IRF8: variants seen among roughly 807,000 people sequenced by gnomAD.
IRF8 encodes interferon regulatory factor 8, also known as interferon consensus sequence binding protein 1.
A neutral mutation model predicts 48.7 loss-of-function variants in IRF8; 14 were observed. The ratio of observed to expected loss-of-function variants is 0.29; its 90% confidence interval spans 0.19 to 0.45. The LOEUF is 0.45. Among genes scored for constraint, IRF8 ranks in the 20% least tolerant of loss-of-function variants. The pLI, the probability that IRF8 is intolerant of heterozygous loss-of-function variation, is 1.00. For synonymous variants in IRF8, 278 were observed against 227.3 expected, an observed-to-expected ratio of 1.22 and a Z score of -2.01; for missense variants, 493 against 580.7, an observed-to-expected ratio of 0.85 and a Z score of 1.55.
chr16:85,907,415 C>T (rs1905036220), intron 2 of IRF8, among the ~76,000 whole-genome samples: 1 of 152,234 alleles, frequency 6.6e-6, no homozygotes, highest in Admixed American at 6.5e-5. Context: ...CGCGGTGGCT[C>T]ACGCCTGTAA....
chr16:85,900,005 A>T (rs1904778949), intron 1 of IRF8, among the ~76,000 whole-genome samples: 1 of 152,208 alleles, frequency 6.6e-6, no homozygotes, highest in Admixed American at 6.5e-5. Flanking sequence ...AACCAAAGGT[A>T]AGAACTGGTA....
intron 8 of IRF8, 68 bp downstream of exon 8, chr16:85,920,292 G>A: frequency 9.2e-7 from 1 of 1,083,498 alleles, no homozygotes; most frequent in Non-Finnish European, 1.3e-6. Flanking sequence ...TGTTGCCCAG[G>A]CTGGTGTGCA....
At chr16:85,901,495 G>C (rs1371483759) in intron 1 of IRF8, among the ~76,000 whole-genome samples, 1 of 152,140 alleles carries the variant, frequency 6.6e-6, no homozygotes, top group African/African-American at 2.4e-5. Context: ...GCATATGTCT[G>C]TAGTTCCAGG....
At position 85,903,197 on chromosome 16, in the gene IRF8, G is replaced by C. The variant is rs1296749217; in HGVS notation, c.174+8G>C. The C allele has an allele frequency of 6.2e-7, 1 of 1,611,974 alleles. No individual in the cohort carries two copies. Among genetic ancestry groups the C allele is most frequent in the African/African-American group, 1.3e-5 (1 of 74,882 alleles). ...GATGCCTCCATTTTTAAGGTAAAGA[G>C]CCCAGCTCCCTTCCCCACTGTGGGC... On this transcript the variant is annotated splice_region_variant and intron_variant, in intron 2 of 8. Coordinates refer to ENST00000268638, the MANE Select transcript of IRF8 (RefSeq NM_002163.4).
chr16:85,907,984 A>C (rs909911462), intron 2 of IRF8, among the ~76,000 whole-genome samples: 3 of 151,430 alleles, frequency 2.0e-5, no homozygotes, highest in Non-Finnish European at 3.0e-5. Flanking sequence ...TTAATCCCAG[A>C]CTGGGTGGCC....
At chr16:85,901,532 C>T (rs887637358) in intron 1 of IRF8, among the ~76,000 whole-genome samples, 1 of 152,106 alleles carries the variant, frequency 6.6e-6, no homozygotes, top group African/African-American at 2.4e-5. Flanking sequence ...GCAGGAAGAT[C>T]GCTTAAGCCC....
chr16:85,908,707 A>C (rs1221457261), intron 2 of IRF8, among the ~76,000 whole-genome samples: 3 of 152,086 alleles, frequency 2.0e-5, no homozygotes, highest in Non-Finnish European at 4.4e-5. Context: ...TAAAAGGTGC[A>C]CTCCAGGGTT....
At chr16:85,919,236 C>T (rs912188721) in intron 7 of IRF8, among the ~76,000 whole-genome samples, 1 of 152,188 alleles carries the variant, frequency 6.6e-6, no homozygotes, top group African/African-American at 2.4e-5. Context: ...CGCTGACTTT[C>T]CGCACACTAA....
intron 1 of IRF8, chr16:85,901,351 G>T (rs1210390661): frequency 6.6e-6 from 1 of 152,254 alleles, no homozygotes; most frequent in African/African-American, 2.4e-5. Context: ...ATTTGGGTGG[G>T]CGCAGTGGCT....
Position 85,918,936 on chromosome 16 carries a change from C to G in IRF8, c.988+133C>G, listed in dbSNP as rs945849377. 21 of 1,168,518 alleles carry G rather than the reference C, an allele frequency of 1.8e-5. No individual in the cohort carries two copies. The Middle Eastern group carries it at 1.4e-3, about 76-fold the overall frequency. 72.4% of individuals were successfully genotyped at this position (1,168,518 alleles called of 1,614,324 possible). ...AGGAGGAGTGAGGGGCATGGTGTGGCAAGGAGGTGCTCCTTTGAATGGCAC... is the reference window on the plus strand; with the variant it reads ...AGGAGGAGTGAGGGGCATGGTGTGGGAAGGAGGTGCTCCTTTGAATGGCAC... On this transcript the variant is annotated intron_variant, in intron 7 of 8. Transcript: ENST00000268638.
At chr16:85,903,340 C>T in intron 2 of IRF8, 151 bp downstream of exon 2, 1 of 725,702 alleles carries the variant, frequency 1.4e-6, no homozygotes, top group Non-Finnish European at 2.3e-6. Context: ...CTGAATGTGT[C>T]TCAGACATGT....
chr16:85,920,991 A>G (rs926079353), intron 8 of IRF8, 115 bp from the exon 9 acceptor site: 22 of 1,028,214 alleles, frequency 2.1e-5, no homozygotes, highest in East Asian at 2.6e-5. Flanking sequence ...TGGCTCATTC[A>G]CTTGGGACTC....
chr16:85,899,559 C>T (rs1428578263), intron 1 of IRF8, among the ~76,000 whole-genome samples: 1 of 152,178 alleles, frequency 6.6e-6, no homozygotes, highest in African/African-American at 2.4e-5. Flanking sequence ...TCTTGAAACG[C>T]GCTCTATCAT....
rs560402145 is a variant in IRF8, at chr16:85,918,892, G to T, written c.988+89G>T. ...ATTTGCAGCTCAGGGTGGCCCTGTG[G>T]TCTCATGGAGGGATGTGGAGGAGGA... On this transcript the variant is annotated intron_variant, in intron 7 of 8. Coordinates refer to ENST00000268638, the MANE Select transcript of IRF8 (RefSeq NM_002163.4). The T allele has an allele frequency of 4.6e-6, 7 of 1,516,354 alleles. No individual in the cohort carries two copies. In the African/African-American group the frequency reaches 9.5e-5, roughly 21 times the overall value. The allele number at this position is 1,516,354 out of a possible 1,614,324, so 93.9% of individuals were successfully genotyped here. A position where few individuals can be genotyped will look rare whatever the true frequency, so the allele number is the denominator to read the frequency against.
intron 6 of IRF8, among the ~76,000 whole-genome samples, chr16:85,915,488 A>G (rs923419488): frequency 7.2e-5 from 11 of 152,248 alleles, no homozygotes; most frequent in South Asian, 2.1e-4. Context: ...TGCCCTGTCC[A>G]TGAAGCTCTT....
In IRF8 at chr16:85,921,289, C is replaced by T. The variant is rs755381869; in HGVS notation, c.*7C>T. 7 of 1,613,114 alleles carry T rather than the reference C, an allele frequency of 4.3e-6. No homozygotes were observed. The highest frequency in any genetic ancestry group is 1.6e-4 in the Middle Eastern group (1 of 6,062). ...CCAACAGATCACCGTCTAAGTGCGT[C>T]GCTTGGGCGCCCCACCCCGTCTGCG... is the stretch of plus-strand genomic sequence containing the variant. On this transcript the variant is annotated 3_prime_UTR_variant, in exon 9 of 9. Coordinates refer to ENST00000268638, the MANE Select transcript of IRF8 (RefSeq NM_002163.4).
intron 5 of IRF8, chr16:85,914,252 A>G: frequency 1.7e-6 from 1 of 597,976 alleles, no homozygotes; most frequent in Non-Finnish European, 3.0e-6. Context: ...GCATAGAGGA[A>G]GTCCCCCCGA....
chr16:85,912,994 C>T (rs1905189347), intron 4 of IRF8, 137 bp from the exon 5 acceptor site: 3 of 788,200 alleles, frequency 3.8e-6, no homozygotes, highest in Admixed American at 3.5e-5. Context: ...CAAAGTGAAA[C>T]TTGACTTTTG....
chr16:85,915,522 A>G (rs947666886), intron 6 of IRF8, among the ~76,000 whole-genome samples: 2 of 152,130 alleles, frequency 1.3e-5, no homozygotes, highest in Non-Finnish European at 2.9e-5. Flanking sequence ...CAGCCCTTTG[A>G]GCTGGGGGGT....
Sources: allele counts gnomAD v4.1 joint callset (sites outside exome capture counted in the v4.1 genomes callset), GRCh38; gene constraint gnomAD v4.1.1; transcripts MANE v1.5; gene names NCBI Gene and HGNC (gene_info 2026-07-23, HGNC 2026-07-21).